GK5: variants seen among roughly 807,000 people sequenced by gnomAD.
GK5 encodes glycerol kinase 5.
Under a neutral mutation model 77.3 loss-of-function variants are expected in GK5, and 39 were observed. The observed-to-expected ratio is 0.50, with a 90% CI of 0.39 to 0.66. GK5 has a LOEUF of 0.66. Among genes scored for constraint, GK5 ranks in the 30% least tolerant of loss-of-function variants. The probability of loss-of-function intolerance (pLI) is 0.00; values close to 1 mark genes in which losing one functional copy is unlikely to be tolerated. For missense variants in GK5, 487 were observed against 633.8 expected, an observed-to-expected ratio of 0.77 and a Z score of 2.49; for synonymous variants, 211 against 208.0, an observed-to-expected ratio of 1.01 and a Z score of -0.13.
In GK5 at chr3:142,194,527, A is replaced by G. The variant is rs560983637; in HGVS notation, c.543+4275T>C. Among the ~76,000 whole-genome samples the G allele has an allele frequency of 7.3e-4, 103 of 140,190 alleles. 1 individual carries two copies. The South Asian group carries it at 0.022, about 30-fold the overall frequency. The allele number at this position is 140,190 out of a possible 152,430, so 92.0% of individuals were successfully genotyped here. ...GATGACAGAGTAAGACTCCATCTCG[A>G]AAAAAAAAAAAAAAATTAACTGGGC... On this transcript the variant is annotated intron_variant, in intron 5 of 15. Transcript: ENST00000392993.
chr3:142,220,500 G>C (rs1466552374), intron 1 of GK5, among the ~76,000 whole-genome samples: 1 of 152,150 alleles, frequency 6.6e-6, no homozygotes, highest in African/African-American at 2.4e-5. Context: ...AGGAGGAAAT[G>C]CCAATACCTC....
chr3:142,217,409 A>G (rs892935821), intron 1 of GK5, among the ~76,000 whole-genome samples: 15 of 152,204 alleles, frequency 9.9e-5, no homozygotes, highest in Non-Finnish European at 1.9e-4. Flanking sequence ...GATGGGCTCA[A>G]TAGCAGAAGG....
chr3:142,217,473 C>A (rs1241444296), intron 1 of GK5, among the ~76,000 whole-genome samples: 1 of 151,694 alleles, frequency 6.6e-6, no homozygotes, highest in African/African-American at 2.4e-5. Context: ...ATTATCTGCA[C>A]AACAGAAAGA....
intron 1 of GK5, among the ~76,000 whole-genome samples, chr3:142,221,396 A>G (rs1476305811): frequency 6.6e-6 from 1 of 152,224 alleles, no homozygotes; most frequent in African/African-American, 2.4e-5. Context: ...GACTTGACTC[A>G]GGGTCACTTC....
At position 142,215,709 on chromosome 3, in the gene GK5, G is replaced by A. The variant is rs1287002942; in HGVS notation, c.148-17C>T. ...ATTTTCTACCTATTAAGGAAAAGAA[G>A]ATTTAGTAAAAACAGCATTAGATCA... On this transcript the variant is annotated splice_polypyrimidine_tract_variant and intron_variant, in intron 1 of 15. Coordinates refer to ENST00000392993, the MANE Select transcript of GK5 (RefSeq NM_001039547.3). The A allele has an allele frequency of 7.4e-7, 1 of 1,356,562 alleles. No homozygotes were observed. The highest frequency in any genetic ancestry group is 2.3e-5 in the East Asian group (1 of 43,328). The allele number at this position is 1,356,562 out of a possible 1,614,324, so 84.0% of individuals were successfully genotyped here.
rs1192305880 is a variant in GK5, at chr3:142,186,174, T to A, written c.755+20A>T. The A allele has an allele frequency of 1.4e-6, 2 of 1,445,058 alleles. No homozygotes were observed. The highest frequency in any genetic ancestry group is 2.8e-5 in the African/African-American group (2 of 71,422). 89.5% of individuals were successfully genotyped at this position (1,445,058 alleles called of 1,614,324 possible). ...TCAAGAACCATTGTGCTGGTTACTA[T>A]GTCTGATGTTTATTATTACCTTGTG... On this transcript the variant is annotated intron_variant, in intron 8 of 15. Transcript: ENST00000392993.
intron 6 of GK5, 117 bp from the exon 7 acceptor site, chr3:142,186,630 CTTTTTTTTTT>C (rs781196956): frequency 2.3e-5 from 6 of 262,470 alleles, no homozygotes; most frequent in Non-Finnish European, 3.6e-5. Context: ...TGTGTATTTT[CTTTTTTTTTT>C]TTTTTTTTTG....
At chr3:142,194,254 G>C (rs1013119553) in intron 5 of GK5, among the ~76,000 whole-genome samples, 1 of 151,968 alleles carries the variant, frequency 6.6e-6, no homozygotes, top group East Asian at 1.9e-4. Context: ...GGCCAGGCAC[G>C]GTGACTCACA....
At position 142,158,805 on chromosome 3, in the gene GK5, T is replaced by C. The variant is rs1248647752; in HGVS notation, c.*6817A>G. 6.6e-6 allele frequency: 1 copy of C among 152,392 alleles called. No homozygotes were observed. The highest frequency in any genetic ancestry group is 2.4e-5 in the African/African-American group (1 of 41,456). 9.4% of individuals were successfully genotyped at this position (152,392 alleles called of 1,614,324 possible). A position where few individuals can be genotyped will look rare whatever the true frequency, so the allele number is the denominator to read the frequency against. On this transcript the variant is annotated 3_prime_UTR_variant, in exon 16 of 16. Coordinates refer to ENST00000392993, the MANE Select transcript of GK5 (RefSeq NM_001039547.3). Reference sequence around the variant, plus strand: ...AAGGTTAGAAACATTATGATAACTATGTACAAAGTATATATCTGTATACTC... The same window carrying C: ...AAGGTTAGAAACATTATGATAACTACGTACAAAGTATATATCTGTATACTC...
intron 5 of GK5, among the ~76,000 whole-genome samples, chr3:142,188,656 A>G (rs1173425207): frequency 1.3e-5 from 2 of 152,280 alleles, no homozygotes; most frequent in Non-Finnish European, 2.9e-5. Flanking sequence ...ATGGTTAAAA[A>G]GACAAAAGGA....
At chr3:142,221,452 T>C (rs1327822567) in intron 1 of GK5, among the ~76,000 whole-genome samples, 1 of 152,134 alleles carries the variant, frequency 6.6e-6, no homozygotes, top group Non-Finnish European at 1.5e-5. Flanking sequence ...CCCAAACAAG[T>C]TGCAGTAGTG....
At chr3:142,177,339 C>A in intron 12 of GK5, 143 bp downstream of exon 12, 2 of 589,894 alleles carry the variant, frequency 3.4e-6, no homozygotes, top group South Asian at 4.5e-5. Context: ...CAGAGCATAA[C>A]TTCTCAGCCC....
intron 4 of GK5, among the ~76,000 whole-genome samples, chr3:142,202,438 C>T (rs1185907565): frequency 2.0e-5 from 3 of 152,124 alleles, no homozygotes; most frequent in Non-Finnish European, 4.4e-5. Context: ...CCAAAGGCCA[C>T]AATCAAACCA....
rs2064412685 is a variant in GK5, at chr3:142,225,335, G to T, written c.121C>A (p.Arg41=). 3 of 1,554,346 alleles carry T rather than the reference G, an allele frequency of 1.9e-6. No individual in the cohort carries two copies. The highest frequency in any genetic ancestry group is 2.6e-6 in the Non-Finnish European group (3 of 1,150,880). ...TTCTGCACGCTGGAGCCGCAGACCC[G>T]CGCCGCCCGGTCATAGACGTGGCAG... ...IRCHVYDRAA[R]VCGSSVQKVE... The change falls in exon 1 of 16, where the codon CGG becomes AGG. Residue 41 remains arginine, a synonymous_variant. Transcript: ENST00000392993.
chr3:142,197,050 G>A (rs1385699977), intron 5 of GK5, among the ~76,000 whole-genome samples: 2 of 152,064 alleles, frequency 1.3e-5, no homozygotes, highest in South Asian at 2.1e-4. Flanking sequence ...AGCCAGGTGC[G>A]GGGGCGGGTG....
chr3:142,196,843 A>G (rs1382519255), intron 5 of GK5, among the ~76,000 whole-genome samples: 2 of 152,156 alleles, frequency 1.3e-5, no homozygotes, highest in Non-Finnish European at 1.5e-5. Context: ...GTTACTGTTA[A>G]TCAAATTTTC....
At chr3:142,168,404 A>G (rs1023885821) in intron 15 of GK5, among the ~76,000 whole-genome samples, 1 of 152,344 alleles carries the variant, frequency 6.6e-6, no homozygotes. Context: ...TCAATGAACA[A>G]ATGAAAGTAA....
chr3:142,172,480 A>G (rs1172150225), intron 12 of GK5, 24 bp from the exon 13 acceptor site: 3 of 1,260,554 alleles, frequency 2.4e-6, no homozygotes, highest in Non-Finnish European at 3.4e-6. Context: ...TAACAAGAAT[A>G]TATTATTATT....
In GK5 at chr3:142,162,130, AATAG is replaced by A. The variant is rs1425333905; in HGVS notation, c.*3488_*3491del. On this transcript the variant is annotated 3_prime_UTR_variant, in exon 16 of 16. Transcript: ENST00000392993. The stretch of plus-strand genomic sequence containing the variant: ...TTATTTTTTCTTTATTAATCAGCAA[AATAG>A]ATACCCTATTTATTTCAAGATACGA... 6.6e-6 allele frequency: 1 copy of A among 152,190 alleles called. No individual in the cohort carries two copies. Among genetic ancestry groups the A allele is most frequent in the African/African-American group, 2.4e-5 (1 of 41,436 alleles). The allele number at this position is 152,190 out of a possible 1,614,324, so 9.4% of individuals were successfully genotyped here. A position where few individuals can be genotyped will look rare whatever the true frequency, so the allele number is the denominator to read the frequency against.
Sources: gnomAD v4.1 joint callset for allele counts (sites outside exome capture counted in the v4.1 genomes callset) on GRCh38, gnomAD v4.1.1 for gene constraint, MANE v1.5 for transcripts, NCBI Gene and HGNC (gene_info 2026-07-23, HGNC 2026-07-21) for gene names.